Variants in UGGT1 observed in about 807,000 individuals in gnomAD.
The protein encoded by UGGT1 is UDP-glucose:glycoprotein glucosyltransferase 1.
Under a neutral mutation model 203.9 loss-of-function variants are expected in UGGT1, and 107 were observed. That is an observed-to-expected ratio of 0.52 (90% CI 0.45 to 0.62). The LOEUF (loss-of-function observed/expected upper bound fraction) is 0.62, where lower values mean the gene tolerates loss of function less well. Ranked by LOEUF, UGGT1 falls within the 20% of genes least tolerant of loss-of-function variation. UGGT1 has a pLI of 0.00. For synonymous variants in UGGT1, 628 were observed against 653.5 expected, an observed-to-expected ratio of 0.96 and a Z score of 0.59; for missense variants, 1,673 against 1,867.2, an observed-to-expected ratio of 0.90 and a Z score of 1.92.
intron 15 of UGGT1, 53 bp downstream of exon 15, chr2:128,135,014 G>T: frequency 6.7e-7 from 1 of 1,503,216 alleles, no homozygotes; most frequent in East Asian, 2.3e-5. Flanking sequence ...GGTTTTATTT[G>T]TCATTTTTAA....
At chr2:128,146,255 G>C (rs1362614145) in intron 18 of UGGT1, among the ~76,000 whole-genome samples, 1 of 152,076 alleles carries the variant, frequency 6.6e-6, no homozygotes, top group East Asian at 1.9e-4. Context: ...AGGTTGCAGT[G>C]AGCTGTGATT....
chr2:128,104,619 A>G (rs1293641494), intron 3 of UGGT1, among the ~76,000 whole-genome samples: 2 of 152,142 alleles, frequency 1.3e-5, no homozygotes, highest in Non-Finnish European at 2.9e-5. Context: ...ATTAATTTAC[A>G]TTGACAGATA....
chr2:128,178,351 G>C, intron 33 of UGGT1, 117 bp from the exon 34 acceptor site: 1 of 877,592 alleles, frequency 1.1e-6, no homozygotes. Context: ...AACCACTCCT[G>C]CTGCAGCTCA....
At chr2:128,103,816 T>A in intron 2 of UGGT1, 116 bp from the exon 3 acceptor site, 1 of 592,546 alleles carries the variant, frequency 1.7e-6, no homozygotes, top group Non-Finnish European at 2.8e-6. Context: ...TATTATAGAT[T>A]AAAAGTCAAA....
intron 15 of UGGT1, among the ~76,000 whole-genome samples, chr2:128,136,567 T>C (rs899338591): frequency 6.6e-6 from 1 of 152,240 alleles, no homozygotes; most frequent in Non-Finnish European, 1.5e-5. Flanking sequence ...CACTGGATAA[T>C]AGTCATTATG....
chr2:128,145,416 C>G (rs1228599870), intron 17 of UGGT1, among the ~76,000 whole-genome samples: 1 of 152,064 alleles, frequency 6.6e-6, no homozygotes, highest in African/African-American at 2.4e-5. Context: ...TAGAATATTT[C>G]CATCATTGCA....
intron 1 of UGGT1, among the ~76,000 whole-genome samples, chr2:128,093,216 C>CA (rs1305327839): frequency 5.9e-5 from 9 of 151,762 alleles, no homozygotes; most frequent in Non-Finnish European, 1.0e-4. Context: ...TTTTTGAAAA[C>CA]AGTGTAGGGG....
At position 128,093,365 on chromosome 2, in the gene UGGT1, GT is replaced by G. The variant is rs557405930; in HGVS notation, c.58+1953del. 3.4e-3 allele frequency among the ~76,000 whole-genome samples: 520 copies of G among 152,260 alleles called. 7 individuals are homozygous for G. Among genetic ancestry groups the G allele is most frequent in the Middle Eastern group, 0.014 (4 of 294 alleles). ...TCATGCCTTAATGAATGAGGCCTGT[GT>G]TTATTTCATTTTGAGAGCCTTCTAT... On this transcript the variant is annotated intron_variant, in intron 1 of 40. Transcript: ENST00000259253.
chr2:128,113,510 A>G (rs966906374), intron 6 of UGGT1, among the ~76,000 whole-genome samples: 1 of 152,218 alleles, frequency 6.6e-6, no homozygotes, highest in African/African-American at 2.4e-5. Flanking sequence ...GAACCATGTA[A>G]ATAATCTTTT....
chr2:128,170,171 G>A, intron 26 of UGGT1, 117 bp from the exon 27 acceptor site: 4 of 774,420 alleles, frequency 5.2e-6, no homozygotes, highest in East Asian at 2.7e-5. Context: ...TCATAGTCTA[G>A]TCTTTCTAGA....
At chr2:128,123,776 C>G (rs1429527746) in intron 11 of UGGT1, among the ~76,000 whole-genome samples, 2 of 152,206 alleles carry the variant, frequency 1.3e-5, no homozygotes, top group Admixed American at 1.3e-4. Flanking sequence ...CAGGGCATGC[C>G]GGTCATCCTG....
intron 2 of UGGT1, among the ~76,000 whole-genome samples, chr2:128,098,209 G>A (rs904618794): frequency 2.6e-5 from 4 of 152,172 alleles, no homozygotes; most frequent in African/African-American, 4.8e-5. Context: ...TTTAAGAGGT[G>A]ATTGATAAAA....
chr2:128,112,454 T>TTATATATATATA lies in UGGT1; in HGVS notation c.522-622_522-611dup, dbSNP rs59726004. ...AAAAAACCCCCCAAAAAATACTATG[T>TTATATATATATA]TATATATATATATATATATTACATA... On this transcript the variant is annotated intron_variant, in intron 5 of 40. Transcript: ENST00000259253. Among the ~76,000 whole-genome samples the TTATATATATATA allele has an allele frequency of 4.1e-3, 228 of 55,770 alleles. 35 individuals carry two copies. In the Middle Eastern group the frequency reaches 0.092, roughly 23 times the overall value. 36.6% of individuals were successfully genotyped at this position (55,770 alleles called of 152,430 possible).
chr2:128,138,798 T>C lies in UGGT1; in HGVS notation c.1665T>C (p.Tyr555=). 1.2e-6 allele frequency: 2 copies of C among 1,614,214 alleles called. No individual in the cohort carries two copies. The highest frequency in any genetic ancestry group is 1.7e-6 in the Non-Finnish European group (2 of 1,180,024). ...CTGGAGTGGCTGTTCTTAGAGCATA[T>C]AATTATGTTGCCCAAGAAGTGGATG... The part of the protein sequence containing the change: ...QDAGVAVLRA[Y]NYVAQEVDDY... The change falls in exon 16 of 41, where the codon TAT becomes TAC. Residue 555 remains tyrosine, a synonymous_variant. Transcript: ENST00000259253.
chr2:128,129,450 G>A (rs1192178053), intron 13 of UGGT1, among the ~76,000 whole-genome samples: 1 of 149,082 alleles, frequency 6.7e-6, no homozygotes, highest in Non-Finnish European at 1.5e-5. Context: ...CCAGGCTGGA[G>A]TGCAGTGGCG....
rs192954334 is a variant in UGGT1 at position 128,104,621 on chromosome 2, T to C, written c.277+607T>C. ...TAAAACCTTGAATATTAATTTACAT[T>C]GACAGATATAGGTTATTATTATTTT... On this transcript the variant is annotated intron_variant, in intron 3 of 40. Coordinates refer to ENST00000259253, the MANE Select transcript of UGGT1 (RefSeq NM_020120.4). 2.1e-3 allele frequency among the ~76,000 whole-genome samples: 321 copies of C among 152,316 alleles called. 2 individuals are homozygous for C. Among genetic ancestry groups the C allele is most frequent in the African/African-American group, 7.4e-3 (309 of 41,568 alleles).
rs1238045734 is a variant in UGGT1 at position 128,160,555 on chromosome 2, G to A, written c.2658G>A (p.Leu886=). ...HAVYCRDVLK[L]KKGQRAVISN... ...TGTACTGCAGGGATGTTCTGAAGCT[G>A]AAGAAGGGACAGAGGGCAGTGATCA... Residue 886 remains leucine, a synonymous_variant, in exon 24 of 41, where the codon CTG becomes CTA. Coordinates refer to ENST00000259253, the MANE Select transcript of UGGT1 (RefSeq NM_020120.4). 6.2e-7 allele frequency: 1 copy of A among 1,613,394 alleles called. No homozygotes were observed. Among genetic ancestry groups the A allele is most frequent in the Admixed American group, 1.7e-5 (1 of 59,790 alleles).
intron 4 of UGGT1, among the ~76,000 whole-genome samples, chr2:128,109,103 G>C (rs1413803909): frequency 6.6e-6 from 1 of 152,080 alleles, no homozygotes; most frequent in Admixed American, 6.6e-5. Context: ...TGTTGGCTAG[G>C]CTGGTCTCGA....
intron 3 of UGGT1, among the ~76,000 whole-genome samples, chr2:128,106,688 T>TACAGGTGCATGCC (rs1687618453): frequency 1.3e-5 from 2 of 152,112 alleles, no homozygotes; most frequent in Admixed American, 1.3e-4. Flanking sequence ...CAGCTGGGAT[T>TACAGGTGCATGCC]ACAGGTGCAT....
Sources: allele counts gnomAD v4.1 joint callset (sites outside exome capture counted in the v4.1 genomes callset), GRCh38; gene constraint gnomAD v4.1.1; transcripts MANE v1.5; gene names NCBI Gene and HGNC (gene_info 2026-07-23, HGNC 2026-07-21).